Variants in PLXDC1 observed in about 807,000 individuals in gnomAD.
PLXDC1 encodes the protein plexin domain containing 1, also known as plexin domain-containing protein 1.
In PLXDC1, 39 loss-of-function variants were observed where a neutral mutation model predicts 61.3. The ratio of observed to expected loss-of-function variants is 0.64; its 90% CI spans 0.49 to 0.83. The LOEUF is 0.83. Among genes scored for constraint, PLXDC1 ranks in the 40% least tolerant of loss-of-function variants. The pLI is 0.00. For missense variants in PLXDC1, 596 were observed against 666.5 expected (o/e 0.89, Z 1.17); for synonymous variants, 212 against 254.5 (o/e 0.83, Z 1.59).
intron 7 of PLXDC1, 152 bp downstream of exon 7, chr17:39,105,702 G>T: frequency 1.6e-6 from 1 of 606,862 alleles, no homozygotes; most frequent in African/African-American, 1.8e-5. Context: ...AGAAAAGCTG[G>T]AAGTCACTGG....
At chr17:39,130,530 C>T (rs1167159179) in intron 2 of PLXDC1, among the ~76,000 whole-genome samples, 5 of 152,058 alleles carry the variant, frequency 3.3e-5, no homozygotes, top group Non-Finnish European at 5.9e-5. Flanking sequence ...TTATTAAATG[C>T]CACTGAATTG....
chr17:39,117,007 G>A (rs1910991377), intron 2 of PLXDC1, among the ~76,000 whole-genome samples: 1 of 152,240 alleles, frequency 6.6e-6, no homozygotes, highest in Non-Finnish European at 1.5e-5. Flanking sequence ...GGCTCCGCTA[G>A]GAATGGGGAA....
rs752114062 is a variant in PLXDC1 at position 39,108,985 on chromosome 17, G to T, written c.400-12C>A. On this transcript the variant is annotated splice_polypyrimidine_tract_variant and intron_variant, in intron 3 of 13. Coordinates refer to ENST00000315392, the MANE Select transcript of PLXDC1 (RefSeq NM_020405.5). ...GACAAGACCACTCTCTGCAGGGGAT[G>T]GGAGAAAGTCAGCACGGGCCAAGCT... 6 of 1,606,018 alleles carry T rather than the reference G, an allele frequency of 3.7e-6. No individual in the cohort carries two copies. The Admixed American group carries it at 8.3e-5, about 22-fold the overall frequency.
intron 5 of PLXDC1, chr17:39,107,749 G>C (rs1910650060): frequency 1.7e-6 from 1 of 595,656 alleles, no homozygotes. Context: ...TACTGTACTT[G>C]ATCATCTCTT....
intron 8 of PLXDC1, among the ~76,000 whole-genome samples, chr17:39,085,785 A>C (rs1909719166): frequency 6.6e-6 from 1 of 152,098 alleles, no homozygotes; most frequent in African/African-American, 2.4e-5. Context: ...GGATACAGAG[A>C]GTTTTCTCCC....
rs756055338 is a variant in PLXDC1 at position 39,067,953 on chromosome 17, G to A, written c.1390C>T (p.Pro464Ser). The A allele has an allele frequency of 6.2e-7, 1 of 1,613,844 alleles. No individual in the cohort carries two copies. Among genetic ancestry groups the A allele is most frequent in the Non-Finnish European group, 8.5e-7 (1 of 1,179,928 alleles). Residue 464 changes from proline (P) to serine (S), a missense_variant, in exon 14 of 14, where the codon CCT becomes TCT. Coordinates refer to ENST00000315392, the MANE Select transcript of PLXDC1 (RefSeq NM_020405.5). ...NAALFFIERR[P>S]HHWPAMKFRS... ...AACTTCATGGCTGGCCAGTGGTGAG[G>A]TCTACGCTGCAGAAGGCACAGAGGC... is the stretch of plus-strand genomic sequence containing the variant.
At position 39,106,014 on chromosome 17, in the gene PLXDC1, C is replaced by G. The variant is rs1598199090; in HGVS notation, c.712-61G>C. On this transcript the variant is annotated intron_variant, in intron 6 of 13. Transcript: ENST00000315392. ...AACGCTCTGGGGCCCACCCAGCCCT[C>G]CCCTGTGAGCTCCAGACCCATCTTT... The G allele has an allele frequency of 4.5e-6, 5 of 1,106,764 alleles. No individual in the cohort carries two copies. In the Admixed American group the frequency reaches 5.4e-5, roughly 12 times the overall value. The allele number at this position is 1,106,764 out of a possible 1,614,324, so 68.6% of individuals were successfully genotyped here.
chr17:39,105,369 C>A (rs1369261021), intron 7 of PLXDC1, among the ~76,000 whole-genome samples: 1 of 152,162 alleles, frequency 6.6e-6, no homozygotes, highest in Non-Finnish European at 1.5e-5. Flanking sequence ...AGCACTCCTT[C>A]AGCTACTATC....
intron 11 of PLXDC1, chr17:39,073,480 A>T (rs1358116505): frequency 6.6e-6 from 1 of 152,234 alleles, no homozygotes; most frequent in Non-Finnish European, 1.5e-5. Flanking sequence ...ACCATTGAAG[A>T]TCAATTATGG....
chr17:39,094,464 T>A (rs1490110020), intron 7 of PLXDC1, among the ~76,000 whole-genome samples: 1 of 151,862 alleles, frequency 6.6e-6, no homozygotes, highest in Non-Finnish European at 1.5e-5. Flanking sequence ...CCTTGAAGAC[T>A]TCCCCCACTC....
At chr17:39,149,498 G>A (rs181791035) in intron 1 of PLXDC1, among the ~76,000 whole-genome samples, 405 of 152,294 alleles carry the variant, frequency 2.7e-3, no homozygotes, top group Non-Finnish European at 3.8e-3. Context: ...AACAGCTGCC[G>A]CCTCTGGCTT....
intron 2 of PLXDC1, among the ~76,000 whole-genome samples, chr17:39,133,935 T>A (rs1432552524): frequency 1.3e-5 from 2 of 148,150 alleles, no homozygotes; most frequent in African/African-American, 4.9e-5. Context: ...CTGATACACA[T>A]AATTTGATGC....
At chr17:39,141,133 G>A (rs1026644490) in intron 1 of PLXDC1, among the ~76,000 whole-genome samples, 10 of 152,126 alleles carry the variant, frequency 6.6e-5, no homozygotes, top group African/African-American at 2.2e-4. Flanking sequence ...GGGCTCATGC[G>A]ATCCTCCCAC....
intron 7 of PLXDC1, among the ~76,000 whole-genome samples, chr17:39,093,975 C>T (rs1335956993): frequency 6.6e-6 from 1 of 152,206 alleles, no homozygotes; most frequent in African/African-American, 2.4e-5. Context: ...GACACACACA[C>T]ACCTGCACAT....
intron 7 of PLXDC1, 96 bp from the exon 8 acceptor site, chr17:39,087,798 T>G: frequency 1.2e-6 from 1 of 829,136 alleles, no homozygotes; most frequent in East Asian, 2.6e-5. Flanking sequence ...CCTGCTGCAC[T>G]GAAGGCAGTA....
intron 8 of PLXDC1, among the ~76,000 whole-genome samples, chr17:39,084,983 G>A (rs1235529019): frequency 6.6e-6 from 1 of 152,228 alleles, no homozygotes; most frequent in Non-Finnish European, 1.5e-5. Context: ...CAGAACAACT[G>A]TGTGCAGAAG....
At chr17:39,095,194 T>A (rs1457804968) in intron 7 of PLXDC1, among the ~76,000 whole-genome samples, 1 of 143,264 alleles carries the variant, frequency 7.0e-6, no homozygotes, top group Non-Finnish European at 1.5e-5. Context: ...GAAAATACAG[T>A]CCTTCCAGCG....
intron 2 of PLXDC1, among the ~76,000 whole-genome samples, chr17:39,109,800 G>A (rs998646749): frequency 2.0e-5 from 3 of 152,198 alleles, no homozygotes; most frequent in African/African-American, 7.2e-5. Flanking sequence ...CTCCCAGGCC[G>A]AGGGAGAGTC....
intron 2 of PLXDC1, among the ~76,000 whole-genome samples, chr17:39,118,817 A>G (rs1911072785): frequency 6.6e-6 from 1 of 152,144 alleles, no homozygotes; most frequent in African/African-American, 2.4e-5. Context: ...TCAGATCACC[A>G]CCCGGGAGGG....
Sources: gnomAD v4.1 joint callset for allele counts (sites outside exome capture counted in the v4.1 genomes callset) on GRCh38, gnomAD v4.1.1 for gene constraint, MANE v1.5 for transcripts, NCBI Gene and HGNC (gene_info 2026-07-23, HGNC 2026-07-21) for gene names.